GALNT13: variants seen among roughly 807,000 people sequenced by gnomAD.
GALNT13 encodes UDP-GalNAc:polypeptide N-acetylgalactosaminyltransferase 13.
A neutral mutation model predicts 64.2 loss-of-function variants in GALNT13; 28 were observed. The observed-to-expected ratio is 0.44, with a 90% CI of 0.32 to 0.60. The LOEUF is 0.60. GALNT13 is among the 20% of genes least tolerant of loss of function. The pLI is 0.05. For synonymous variants in GALNT13, 214 were observed against 224.6 expected, an observed-to-expected ratio of 0.95 and a Z score of 0.42; for missense variants, 577 against 669.8, an observed-to-expected ratio of 0.86 and a Z score of 1.53.
Position 153,933,986 on chromosome 2 carries a change from T to C in GALNT13, c.-104-10408T>C, listed in dbSNP as rs190870712. On this transcript the variant is annotated intron_variant, in intron 2 of 12. Transcript: ENST00000392825. The stretch of plus-strand genomic sequence containing the variant: ...CATTATTAACCAGATGGGGTTCCAT[T>C]TGTAGGTCACCTGCCTCTCCTCTCT... Among the ~76,000 whole-genome samples, 256 of 152,250 alleles carry C rather than the reference T, an allele frequency of 1.7e-3. 7 individuals are homozygous for C. The highest frequency in any genetic ancestry group is 0.015 in the Admixed American group (230 of 15,280).
chr2:153,639,498 A>G, the GALNT13 span, among the ~76,000 whole-genome samples: 1 of 152,220 alleles, frequency 6.6e-6, no homozygotes, highest in Non-Finnish European at 1.5e-5. Context: ...AAAATCACCA[A>G]GAATAAAACA....
At chr2:154,145,048 T>TTCTC (rs3075862) in intron 4 of GALNT13, among the ~76,000 whole-genome samples, 1,194 of 106,582 alleles carry the variant, frequency 0.011, 12 homozygotes, top group East Asian at 0.031. Context: ...ATTTATGTAG[T>TTCTC]TCTCTCTCTC....
At chr2:153,086,991 T>C in the GALNT13 span, among the ~76,000 whole-genome samples, 1 of 152,178 alleles carries the variant, frequency 6.6e-6, no homozygotes, top group Non-Finnish European at 1.5e-5. Flanking sequence ...TCTTGTCTGA[T>C]TGCTCTGGCT....
intron 9 of GALNT13, among the ~76,000 whole-genome samples, chr2:154,352,243 T>C (rs994192550): frequency 6.6e-6 from 1 of 152,214 alleles, no homozygotes; most frequent in Non-Finnish European, 1.5e-5. Context: ...TGTGCACTAA[T>C]AATAAAGCTG....
chr2:153,148,058 G>T, the GALNT13 span, among the ~76,000 whole-genome samples: 3 of 151,798 alleles, frequency 2.0e-5, no homozygotes, highest in South Asian at 4.1e-4. Flanking sequence ...CAACAGTTTT[G>T]TCTTGACTAA....
the GALNT13 span, among the ~76,000 whole-genome samples, chr2:153,667,241 C>T: frequency 6.6e-6 from 1 of 152,152 alleles, no homozygotes; most frequent in Non-Finnish European, 1.5e-5. Context: ...ATTTCCCCAG[C>T]CTCACTAGAC....
At chr2:154,114,160 G>A (rs1291392075) in intron 3 of GALNT13, among the ~76,000 whole-genome samples, 15 of 152,082 alleles carry the variant, frequency 9.9e-5, no homozygotes, top group Admixed American at 9.8e-4. Flanking sequence ...ATGCAATATT[G>A]TTTTTTATTT....
At chr2:154,348,147 C>T (rs916855102) in intron 9 of GALNT13, among the ~76,000 whole-genome samples, 1 of 152,092 alleles carries the variant, frequency 6.6e-6, no homozygotes, top group African/African-American at 2.4e-5. Flanking sequence ...CCCAAGGTCA[C>T]AGAATTATCA....
the GALNT13 span, among the ~76,000 whole-genome samples, chr2:153,497,287 T>G: frequency 6.6e-6 from 1 of 151,994 alleles, no homozygotes; most frequent in African/African-American, 2.4e-5. Flanking sequence ...CCACCTCAAG[T>G]ATATAAGTTT....
the GALNT13 span, among the ~76,000 whole-genome samples, chr2:153,269,674 A>G: frequency 6.6e-6 from 1 of 152,114 alleles, no homozygotes; most frequent in African/African-American, 2.4e-5. Flanking sequence ...TCGTTTTCAC[A>G]CTGCTATTAA....
At chr2:154,153,378 G>C (rs1359428949) in intron 4 of GALNT13, among the ~76,000 whole-genome samples, 2 of 152,298 alleles carry the variant, frequency 1.3e-5, no homozygotes, top group African/African-American at 4.8e-5. Context: ...GGGGGTCAGG[G>C]GTCAGGGACC....
the GALNT13 span, among the ~76,000 whole-genome samples, chr2:153,224,175 C>T: frequency 0.15 from 22,285 of 152,030 alleles, 1,815 homozygotes; most frequent in Non-Finnish European, 0.18. Context: ...AACTTGGATG[C>T]AACTGGAGGC....
At chr2:153,707,603 C>T in the GALNT13 span, among the ~76,000 whole-genome samples, 1 of 152,192 alleles carries the variant, frequency 6.6e-6, no homozygotes, top group Non-Finnish European at 1.5e-5. Flanking sequence ...TGCTGTACTG[C>T]CTTGTACAAG....
intron 9 of GALNT13, among the ~76,000 whole-genome samples, chr2:154,318,880 C>T (rs754239159): frequency 2.1e-4 from 32 of 152,030 alleles, no homozygotes; most frequent in East Asian, 7.7e-4. Flanking sequence ...CACACGCGCG[C>T]GCACACACAC....
At chr2:153,270,435 C>A in the GALNT13 span, among the ~76,000 whole-genome samples, 1 of 152,200 alleles carries the variant, frequency 6.6e-6, no homozygotes, top group Admixed American at 6.5e-5. Context: ...CTGCAACCTG[C>A]AAGTGATAGA....
the GALNT13 span, among the ~76,000 whole-genome samples, chr2:153,764,307 A>T: frequency 5.0e-3 from 766 of 152,226 alleles, 5 homozygotes; most frequent in African/African-American, 0.018. Flanking sequence ...GAGGCCAAGG[A>T]GGGCAGATCT....
At chr2:153,996,621 T>C (rs1239786044) in intron 3 of GALNT13, among the ~76,000 whole-genome samples, 1 of 152,158 alleles carries the variant, frequency 6.6e-6, no homozygotes, top group African/African-American at 2.4e-5. Flanking sequence ...TCTCATTATG[T>C]AGGCTGTAAC....
At chr2:153,768,520 A>G in the GALNT13 span, among the ~76,000 whole-genome samples, 2 of 152,110 alleles carry the variant, frequency 1.3e-5, no homozygotes, top group Non-Finnish European at 2.9e-5. Flanking sequence ...TTCTTGTTCC[A>G]TTGAAACGTT....
At chr2:154,049,262 TACTC>T (rs1699449076) in intron 3 of GALNT13, among the ~76,000 whole-genome samples, 1 of 150,292 alleles carries the variant, frequency 6.7e-6, no homozygotes. Flanking sequence ...TCTTAATACT[TACTC>T]TAAAGTATTT....
Sources: allele counts gnomAD v4.1 joint callset (sites outside exome capture counted in the v4.1 genomes callset), GRCh38; gene constraint gnomAD v4.1.1; transcripts MANE v1.5; gene names NCBI Gene and HGNC (gene_info 2026-07-23, HGNC 2026-07-21).